SLIT3: variants seen among roughly 807,000 people sequenced by gnomAD.
SLIT3 encodes the protein slit homolog 3 protein.
Under a neutral mutation model 184.0 loss-of-function variants are expected in SLIT3, and 68 were observed. That is an observed-to-expected ratio of 0.37 (90% confidence interval 0.30 to 0.45). The LOEUF is 0.45. Among genes scored for constraint, SLIT3 ranks in the 20% least tolerant of loss-of-function variants. The pLI, the probability that SLIT3 is intolerant of heterozygous loss-of-function variation, is 1.00. For missense variants in SLIT3, 1,707 were observed against 2,026.0 expected (o/e 0.84, Z 3.02); for synonymous variants, 831 against 828.6 (o/e 1.00, Z -0.05).
chr5:168,801,919 A>T (rs1292897977), intron 9 of SLIT3, among the ~76,000 whole-genome samples: 1 of 151,942 alleles, frequency 6.6e-6, no homozygotes, highest in East Asian at 1.9e-4. Context: ...CACTGAAGAG[A>T]GTCTGCGAGA....
chr5:168,840,813 G>A (rs577833829), intron 6 of SLIT3, among the ~76,000 whole-genome samples: 2 of 152,322 alleles, frequency 1.3e-5, no homozygotes, highest in Non-Finnish European at 2.9e-5. Flanking sequence ...GGGGGAGACA[G>A]TTCTAGAAAG....
chr5:169,107,248 C>T (rs752897270), intron 4 of SLIT3, among the ~76,000 whole-genome samples: 41 of 152,200 alleles, frequency 2.7e-4, no homozygotes, highest in Non-Finnish European at 4.7e-4. Flanking sequence ...GCTCACACTT[C>T]TCCTAGCTCA....
intron 4 of SLIT3, among the ~76,000 whole-genome samples, chr5:169,175,893 C>T (rs1364309205): frequency 6.6e-6 from 1 of 152,190 alleles, no homozygotes; most frequent in Non-Finnish European, 1.5e-5. Context: ...TTGGCTGCAG[C>T]AGGGCTGGTG....
intron 3 of SLIT3, among the ~76,000 whole-genome samples, chr5:169,224,449 C>A (rs1764729690): frequency 6.6e-6 from 1 of 151,674 alleles, no homozygotes; most frequent in Non-Finnish European, 1.5e-5. Context: ...TTCACTGCAG[C>A]CTCGACCTCC....
At position 169,117,190 on chromosome 5, in the gene SLIT3, G is replaced by A. The variant is rs147315012; in HGVS notation, c.413+76289C>T. Among the ~76,000 whole-genome samples, 3 of 152,180 alleles carry A rather than the reference G, an allele frequency of 2.0e-5. 1 individual carries two copies. The highest frequency in any genetic ancestry group is 7.2e-5 in the African/African-American group (3 of 41,496). On this transcript the variant is annotated intron_variant, in intron 4 of 35. Transcript: ENST00000519560. ...GGTGTGTGTGCCTGCACTGTCCTAG[G>A]GCACCCATAAAAATAGAGAAAACAC... is the stretch of plus-strand genomic sequence containing the variant.
At chr5:168,829,012 C>A (rs1200333413) in intron 6 of SLIT3, among the ~76,000 whole-genome samples, 1 of 152,184 alleles carries the variant, frequency 6.6e-6, no homozygotes. Flanking sequence ...CTGTAACCAC[C>A]TTTGGAGAGC....
intron 1 of SLIT3, among the ~76,000 whole-genome samples, chr5:169,289,603 G>C (rs1236593206): frequency 1.3e-5 from 2 of 152,222 alleles, no homozygotes; most frequent in African/African-American, 4.8e-5. Context: ...GTTCTTGCAA[G>C]TCTGCAGTCT....
intron 4 of SLIT3, among the ~76,000 whole-genome samples, chr5:168,908,542 T>C (rs1237820683): frequency 6.6e-6 from 1 of 152,140 alleles, no homozygotes; most frequent in Non-Finnish European, 1.5e-5. Context: ...ACTGCTAAAC[T>C]GAGAAGGGAA....
At chr5:168,957,876 C>T (rs1366946287) in intron 4 of SLIT3, among the ~76,000 whole-genome samples, 1 of 152,112 alleles carries the variant, frequency 6.6e-6, no homozygotes, top group East Asian at 1.9e-4. Context: ...AGTCCCGAGT[C>T]GTTCAACTCA....
rs181390310 is a variant in SLIT3, at chr5:169,221,000, C to T, written c.341+23705G>A. Among the ~76,000 whole-genome samples the T allele has an allele frequency of 3.3e-5, 5 of 152,310 alleles. No individual in the cohort carries two copies. In the South Asian group the frequency reaches 6.2e-4, roughly 19 times the overall value. The stretch of plus-strand genomic sequence containing the variant: ...GTATTAATCAACTGATCTGGTTTCT[C>T]GAGACAAAGTGCTTTGCCCCATGAT... On this transcript the variant is annotated intron_variant, in intron 3 of 35. Coordinates refer to ENST00000519560, the MANE Select transcript of SLIT3 (RefSeq NM_003062.4).
At chr5:169,138,831 G>A (rs1019243490) in intron 4 of SLIT3, among the ~76,000 whole-genome samples, 7 of 152,168 alleles carry the variant, frequency 4.6e-5, no homozygotes, top group South Asian at 2.1e-4. Context: ...CAAGTGCTTC[G>A]CAATGAAAAT....
intron 6 of SLIT3, among the ~76,000 whole-genome samples, chr5:168,829,150 C>A (rs909283354): frequency 6.6e-6 from 1 of 152,190 alleles, no homozygotes; most frequent in Admixed American, 6.5e-5. Flanking sequence ...GCCACCCCAC[C>A]CTGGCAACCT....
chr5:168,955,815 G>C (rs1376587219), intron 4 of SLIT3, among the ~76,000 whole-genome samples: 2 of 152,184 alleles, frequency 1.3e-5, no homozygotes, highest in Non-Finnish European at 2.9e-5. Flanking sequence ...CTAATGGTGA[G>C]TCTGTTTAAA....
At chr5:168,881,048 C>T (rs1414211062) in intron 5 of SLIT3, among the ~76,000 whole-genome samples, 1 of 152,178 alleles carries the variant, frequency 6.6e-6, no homozygotes, top group East Asian at 1.9e-4. Context: ...ATTCAATTCC[C>T]CTTAGGTGTT....
intron 20 of SLIT3, among the ~76,000 whole-genome samples, chr5:168,740,779 T>C (rs945721098): frequency 3.3e-5 from 5 of 152,242 alleles, no homozygotes; most frequent in Non-Finnish European, 5.9e-5. Context: ...CCCAAAGTGC[T>C]GAAGTTTACT....
intron 3 of SLIT3, among the ~76,000 whole-genome samples, chr5:169,207,662 T>C (rs1474768741): frequency 6.6e-6 from 1 of 152,240 alleles, no homozygotes; most frequent in Admixed American, 6.5e-5. Flanking sequence ...CTGTTCATTA[T>C]CCATCTTAGC....
chr5:168,765,013 G>A (rs772443971), intron 14 of SLIT3, among the ~76,000 whole-genome samples: 3 of 152,206 alleles, frequency 2.0e-5, no homozygotes, highest in African/African-American at 2.4e-5. Context: ...ATGGCACGAA[G>A]GGGCATTGCA....
At chr5:168,682,503 A>G (rs953455720) in intron 32 of SLIT3, among the ~76,000 whole-genome samples, 2 of 152,158 alleles carry the variant, frequency 1.3e-5, no homozygotes, top group Non-Finnish European at 2.9e-5. Context: ...GTGTATTTCT[A>G]TCATGTCTGT....
chr5:169,127,435 C>G (rs777012267), intron 4 of SLIT3, among the ~76,000 whole-genome samples: 2 of 152,176 alleles, frequency 1.3e-5, no homozygotes, highest in Non-Finnish European at 2.9e-5. Flanking sequence ...GTGCCCTGAA[C>G]TCAAGTTGAA....
Sources: allele counts gnomAD v4.1 joint callset (sites outside exome capture counted in the v4.1 genomes callset), GRCh38; gene constraint gnomAD v4.1.1; transcripts MANE v1.5; gene names NCBI Gene and HGNC (gene_info 2026-07-23, HGNC 2026-07-21).